TCF7L2: variants seen among roughly 807,000 people sequenced by gnomAD.
TCF7L2 encodes the protein transcription factor 7-like 2.
In TCF7L2, 23 loss-of-function variants were observed where a neutral mutation model predicts 77.9. That is an observed-to-expected ratio of 0.30 (90% CI 0.21 to 0.42). The LOEUF is 0.42. Ranked by LOEUF, TCF7L2 falls within the 10% of genes least tolerant of loss-of-function variation. TCF7L2 has a pLI of 1.00. For missense variants in TCF7L2, 654 were observed against 793.1 expected (o/e 0.82, Z 2.11); for synonymous variants, 413 against 340.2 (o/e 1.21, Z -2.36).
intron 3 of TCF7L2, chr10:112,951,990 G>C (rs2031710722): frequency 6.6e-6 from 1 of 152,188 alleles, no homozygotes; most frequent in South Asian, 2.1e-4. Context: ...TGACTCTGTG[G>C]CTCTTCCTTT....
chr10:112,998,620 C>G (rs965495775), intron 4 of TCF7L2, among the ~76,000 whole-genome samples: 1 of 152,156 alleles, frequency 6.6e-6, no homozygotes, highest in East Asian at 1.9e-4. Flanking sequence ...ATGAGGCACC[C>G]TTAGTTTTCA....
At chr10:113,073,119 T>TGTGTGG (rs2058244402) in intron 5 of TCF7L2, among the ~76,000 whole-genome samples, 1 of 141,612 alleles carries the variant, frequency 7.1e-6, no homozygotes, top group African/African-American at 2.6e-5. Context: ...TGTGTGTGTG[T>TGTGTGG]GTGTGTGTGT....
chr10:112,994,418 T>A (rs1054349369), intron 4 of TCF7L2, among the ~76,000 whole-genome samples: 2 of 152,240 alleles, frequency 1.3e-5, no homozygotes, highest in African/African-American at 4.8e-5. Context: ...CATTCCTTTT[T>A]ATGGCCAAAT....
chr10:113,061,976 A>T (rs1343091784), intron 5 of TCF7L2, among the ~76,000 whole-genome samples: 1 of 152,234 alleles, frequency 6.6e-6, no homozygotes, highest in African/African-American at 2.4e-5. Flanking sequence ...AAACACCGTC[A>T]TTCTACATCT....
Position 113,151,044 on chromosome 10 carries a change from G to A in TCF7L2, c.922G>A (p.Gly308Ser), listed in dbSNP as rs2070654158. The A allele has an allele frequency of 2.5e-6, 4 of 1,614,088 alleles. No homozygotes were observed. Among genetic ancestry groups the A allele is most frequent in the Non-Finnish European group, 3.4e-6 (4 of 1,180,032 alleles). The change falls in exon 9 of 14, where the codon GGC becomes AGC. Residue 308 changes from glycine to serine, a missense_variant. Physicochemically the swap from Gly to Ser is moderately conservative, Grantham distance 56 (BLOSUM62 0). Around this residue, in one of 6 missense-constraint regions of TCF7L2, gnomAD observed 179 missense variants for 270.6 expected, o/e 0.66. Transcript: ENST00000627217. The surrounding 1 kb of genome is among the most constrained non-coding windows in gnomAD (Gnocchi z 5.2). The stretch of plus-strand genomic sequence containing the variant: ...ACCACATCATACGCTACACACGACG[G>A]GCATTCCGCATCCGGCCATAGTCAC...
intron 4 of TCF7L2, among the ~76,000 whole-genome samples, chr10:112,989,865 G>A (rs899165923): frequency 6.6e-6 from 1 of 152,072 alleles, no homozygotes; most frequent in African/African-American, 2.4e-5. Context: ...TTGCAGATTG[G>A]GCTTCCTCAT....
chr10:113,117,030 A>G (rs1293249124), intron 5 of TCF7L2, among the ~76,000 whole-genome samples: 1 of 152,222 alleles, frequency 6.6e-6, no homozygotes, highest in East Asian at 1.9e-4. Context: ...ATTTGAAACA[A>G]TATTTAAAAC....
intron 5 of TCF7L2, among the ~76,000 whole-genome samples, chr10:113,118,962 C>T (rs2064324899): frequency 6.6e-6 from 1 of 152,150 alleles, no homozygotes; most frequent in Admixed American, 6.5e-5. Context: ...TAGATTTACC[C>T]TTGGCTTCAA....
chr10:113,064,835 C>T (rs2057028000), intron 5 of TCF7L2, among the ~76,000 whole-genome samples: 2 of 152,146 alleles, frequency 1.3e-5, no homozygotes, highest in Non-Finnish European at 2.9e-5. Flanking sequence ...AAATTTCTTC[C>T]CCTCTCTAGG....
intron 4 of TCF7L2, among the ~76,000 whole-genome samples, chr10:112,983,474 CAAAT>C (rs1221265018): frequency 2.0e-5 from 3 of 151,942 alleles, no homozygotes; most frequent in East Asian, 1.9e-4. Context: ...GACTCTGTCT[CAAAT>C]AAATAAATAA....
intron 5 of TCF7L2, among the ~76,000 whole-genome samples, chr10:113,093,942 C>T (rs1420109983): frequency 6.6e-6 from 1 of 152,176 alleles, no homozygotes; most frequent in African/African-American, 2.4e-5. Flanking sequence ...TTCCTTGTTT[C>T]CTTCCTCTTC....
intron 5 of TCF7L2, among the ~76,000 whole-genome samples, chr10:113,084,726 C>G (rs960790831): frequency 6.6e-6 from 1 of 151,884 alleles, no homozygotes; most frequent in African/African-American, 2.4e-5. Context: ...GAAACCCGGT[C>G]TCTACCAAAA....
chr10:113,157,441 CCAGATGATTCCT>C (rs1222221100), intron 11 of TCF7L2, among the ~76,000 whole-genome samples: 2 of 152,188 alleles, frequency 1.3e-5, no homozygotes, highest in Non-Finnish European at 2.9e-5. Flanking sequence ...TGAAAGGAGC[CCAGATGATTCCT>C]CGTTCTATTT....
chr10:112,984,002 A>G (rs1254267775), intron 4 of TCF7L2, among the ~76,000 whole-genome samples: 1 of 152,212 alleles, frequency 6.6e-6, no homozygotes, highest in African/African-American at 2.4e-5. Context: ...ACTTGAAAAC[A>G]ACCGTTGTTT....
intron 4 of TCF7L2, among the ~76,000 whole-genome samples, chr10:112,971,197 T>A (rs887304583): frequency 2.0e-5 from 3 of 152,362 alleles, no homozygotes; most frequent in Admixed American, 6.5e-5. Flanking sequence ...TATTTTAATA[T>A]TAATTTTTAA....
intron 5 of TCF7L2, among the ~76,000 whole-genome samples, chr10:113,132,519 A>G (rs1340224552): frequency 6.6e-6 from 1 of 152,060 alleles, no homozygotes; most frequent in Non-Finnish European, 1.5e-5. Flanking sequence ...GAATCCCTAG[A>G]TTTGGGGTTG....
intron 4 of TCF7L2, among the ~76,000 whole-genome samples, chr10:113,031,125 C>T (rs2050138881): frequency 6.6e-6 from 1 of 152,214 alleles, no homozygotes; most frequent in African/African-American, 2.4e-5. Flanking sequence ...TTCAGTCCCT[C>T]ATAACTGTGT....
intron 5 of TCF7L2, among the ~76,000 whole-genome samples, chr10:113,097,923 G>A (rs184553828): frequency 4.6e-5 from 7 of 150,612 alleles, no homozygotes; most frequent in African/African-American, 1.7e-4. Context: ...GTGGTAGTGC[G>A]CTTGTAATTC....
intron 4 of TCF7L2, among the ~76,000 whole-genome samples, chr10:113,006,346 C>T (rs1164667420): frequency 1.3e-5 from 2 of 152,188 alleles, no homozygotes; most frequent in African/African-American, 2.4e-5. Context: ...AAGCACAGCC[C>T]GAGGGCTCAC....
Sources: gnomAD v4.1 joint callset for allele counts (sites outside exome capture counted in the v4.1 genomes callset) on GRCh38, gnomAD v4.1.1 for gene constraint, gnomAD v4.1.1 regional missense constraint, Gnocchi (gnomAD v3.1) non-coding constraint, MANE v1.5 for transcripts, NCBI Gene and HGNC (gene_info 2026-07-23, HGNC 2026-07-21) for gene names.